The following SH2D4A variants were observed in gnomAD, a reference collection of about 807,000 sequenced individuals.
SH2D4A encodes the protein SH2 domain containing 4A, also known as SH2 domain-containing protein 4A.
Under a neutral mutation model 64.7 loss-of-function variants are expected in SH2D4A, and 70 were observed. The observed-to-expected ratio is 1.08, with a 90% confidence interval of 0.89 to 1.32. The LOEUF is 1.32. Among genes scored for constraint, SH2D4A ranks in the 40% most tolerant of loss-of-function variants. The pLI is 0.00. For synonymous variants in SH2D4A, 268 were observed against 200.7 expected, an observed-to-expected ratio of 1.34 and a Z score of -2.83; for missense variants, 706 against 540.1, an observed-to-expected ratio of 1.31 and a Z score of -3.04.
chr8:19,390,976 T>G (rs1563215638), intron 8 of SH2D4A, among the ~76,000 whole-genome samples: 1 of 152,194 alleles, frequency 6.6e-6, no homozygotes, highest in Non-Finnish European at 1.5e-5. Context: ...TTGTAACACC[T>G]GCCCCATCTG....
At chr8:19,369,166 C>A (rs1010762587) in intron 7 of SH2D4A, among the ~76,000 whole-genome samples, 3 of 152,078 alleles carry the variant, frequency 2.0e-5, no homozygotes, top group Non-Finnish European at 4.4e-5. Flanking sequence ...ATCCTTGCGT[C>A]CCTGAGATGA....
At chr8:19,318,333 A>C (rs1372766341) in intron 1 of SH2D4A, among the ~76,000 whole-genome samples, 1 of 152,238 alleles carries the variant, frequency 6.6e-6, no homozygotes, top group Non-Finnish European at 1.5e-5. Context: ...TTTCCTGCTG[A>C]TTACAAAAGT....
At chr8:19,377,789 C>T (rs998641438) in intron 8 of SH2D4A, among the ~76,000 whole-genome samples, 6 of 152,086 alleles carry the variant, frequency 3.9e-5, no homozygotes, top group African/African-American at 1.2e-4. Context: ...GAACATGTCT[C>T]GCTGTAAACA....
At chr8:19,335,283 G>A (rs919817725) in intron 4 of SH2D4A, among the ~76,000 whole-genome samples, 5 of 151,668 alleles carry the variant, frequency 3.3e-5, no homozygotes, top group Non-Finnish European at 7.4e-5. Flanking sequence ...GCGACAGAGC[G>A]AGACTCCATC....
intron 4 of SH2D4A, among the ~76,000 whole-genome samples, chr8:19,355,369 A>G (rs2052776279): frequency 6.6e-6 from 1 of 152,182 alleles, no homozygotes; most frequent in African/African-American, 2.4e-5. Context: ...TTGTGGGAAC[A>G]GTTCACTCTG....
At chr8:19,385,987 A>T (rs1250302291) in intron 8 of SH2D4A, among the ~76,000 whole-genome samples, 1 of 152,064 alleles carries the variant, frequency 6.6e-6, no homozygotes, top group Non-Finnish European at 1.5e-5. Context: ...TTGTTCTTAA[A>T]CCTCAGATGA....
At chr8:19,317,190 C>T (rs186636571) in intron 1 of SH2D4A, among the ~76,000 whole-genome samples, 19 of 152,166 alleles carry the variant, frequency 1.2e-4, no homozygotes, top group South Asian at 6.2e-4. Context: ...AGGAGTCATT[C>T]TGTCTCCTTT....
At chr8:19,328,438 C>A (rs754380178) in intron 2 of SH2D4A, among the ~76,000 whole-genome samples, 1 of 152,076 alleles carries the variant, frequency 6.6e-6, no homozygotes, top group Non-Finnish European at 1.5e-5. Flanking sequence ...TCCCAGTTAG[C>A]GAGTTTCAGG....
intron 7 of SH2D4A, among the ~76,000 whole-genome samples, chr8:19,372,909 AG>A (rs2053128108): frequency 6.6e-6 from 1 of 151,080 alleles, no homozygotes; most frequent in South Asian, 2.1e-4. Flanking sequence ...CAAGTCAGGG[AG>A]GTTAGTGGAA....
intron 8 of SH2D4A, among the ~76,000 whole-genome samples, chr8:19,376,966 T>C (rs2053205934): frequency 6.6e-6 from 1 of 152,226 alleles, no homozygotes; most frequent in African/African-American, 2.4e-5. Flanking sequence ...TTATGGAATA[T>C]TTTAAACACA....
At chr8:19,370,172 G>A (rs2153649584) in intron 7 of SH2D4A, among the ~76,000 whole-genome samples, 1 of 152,062 alleles carries the variant, frequency 6.6e-6, no homozygotes, top group Middle Eastern at 3.4e-3. Flanking sequence ...GAATTGTTTT[G>A]TGGCCTAACA....
chr8:19,324,006 C>T (rs574641269), intron 2 of SH2D4A, among the ~76,000 whole-genome samples: 51 of 152,280 alleles, frequency 3.3e-4, no homozygotes, highest in Middle Eastern at 3.4e-3. Flanking sequence ...ATAAACTACA[C>T]GTAGAGCTTA....
At chr8:19,356,331 T>C (rs192873012) in intron 4 of SH2D4A, among the ~76,000 whole-genome samples, 9 of 152,332 alleles carry the variant, frequency 5.9e-5, no homozygotes, top group African/African-American at 2.2e-4. Context: ...TTCTGAATGG[T>C]GGCACCAACC....
chr8:19,373,342 A>ATG lies in SH2D4A; in HGVS notation c.918-184_918-183dup, dbSNP rs148362535. Among the ~76,000 whole-genome samples the ATG allele has an allele frequency of 2.6e-3, 366 of 138,562 alleles. 1 individual carries two copies. The highest frequency in any genetic ancestry group is 9.8e-3 in the African/African-American group (345 of 35,148). 90.9% of individuals were successfully genotyped at this position (138,562 alleles called of 152,430 possible). On this transcript the variant is annotated intron_variant, in intron 7 of 9. Coordinates refer to ENST00000265807, the MANE Select transcript of SH2D4A (RefSeq NM_022071.4). ...TCTCTCCCCCCACCCCCACACACAC[A>ATG]TGTGTATATATATATATATGTATAT...
intron 6 of SH2D4A, 79 bp downstream of exon 6, chr8:19,361,393 A>G: frequency 2.1e-6 from 3 of 1,410,862 alleles, no homozygotes. Flanking sequence ...CAATCTAGAA[A>G]GCGCTTAATG....
intron 7 of SH2D4A, 69 bp from the exon 8 acceptor site, chr8:19,373,456 ATATAT>A (rs2053141891): frequency 1.0e-6 from 1 of 952,968 alleles, no homozygotes; most frequent in Admixed American, 3.0e-5. Context: ...ATATATATAT[ATATAT>A]ATATGACTTT....
chr8:19,368,800 T>G lies in SH2D4A; in HGVS notation c.917+4518T>G, dbSNP rs937175737. The stretch of plus-strand genomic sequence containing the variant: ...TGCAAACAGACAATTTGAGTTCCTC[T>G]TTTCCAATTTGGATGTGCTTCATTG... On this transcript the variant is annotated intron_variant, in intron 7 of 9. Coordinates refer to ENST00000265807, the MANE Select transcript of SH2D4A (RefSeq NM_022071.4). Among the ~76,000 whole-genome samples, 22 of 152,264 alleles carry G rather than the reference T, an allele frequency of 1.4e-4. No homozygotes were observed. The East Asian group carries it at 4.1e-3, about 28-fold the overall frequency.
intron 2 of SH2D4A, among the ~76,000 whole-genome samples, chr8:19,325,025 C>T (rs995316568): frequency 1.3e-5 from 2 of 152,134 alleles, no homozygotes; most frequent in African/African-American, 4.8e-5. Context: ...GTTCAGAAGA[C>T]CTGTAAGCCT....
At chr8:19,391,307 G>T (rs1297634642) in intron 8 of SH2D4A, among the ~76,000 whole-genome samples, 1 of 152,172 alleles carries the variant, frequency 6.6e-6, no homozygotes, top group African/African-American at 2.4e-5. Flanking sequence ...TTGGAACTTA[G>T]CCATGATTTG....
Sources: gnomAD v4.1 joint callset for allele counts (sites outside exome capture counted in the v4.1 genomes callset) on GRCh38, gnomAD v4.1.1 for gene constraint, MANE v1.5 for transcripts, NCBI Gene and HGNC (gene_info 2026-07-23, HGNC 2026-07-21) for gene names.